The following AMELY variants were observed in gnomAD, a reference collection of about 807,000 sequenced individuals.
AMELY encodes the protein amelogenin, Y isoform.
A neutral mutation model predicts 4.2 loss-of-function variants in AMELY; 4 were observed. The ratio of observed to expected loss-of-function variants is 0.96; its 90% CI spans 0.47 to 2.19. The LOEUF (loss-of-function observed/expected upper bound fraction) is 2.19. AMELY is among the 30% of genes most tolerant of loss of function. AMELY has a pLI of 0.02. For synonymous variants in AMELY, 11 were observed against 14.7 expected, an observed-to-expected ratio of 0.75 and a Z score of 0.57; for missense variants, 32 against 41.5, an observed-to-expected ratio of 0.77 and a Z score of 0.63.
chrY:6,898,887 A>G (rs2054087548), intron 1 of AMELY, among the ~76,000 whole-genome samples: 4 of 33,978 alleles, frequency 1.2e-4, no homozygotes, highest in Admixed American at 1.1e-3. Context: ...AATGATCATG[A>G]TATTTCCCCA....
chrY:6,906,278 G>A (rs2011662509), intron 1 of AMELY, among the ~76,000 whole-genome samples: 1 of 32,806 alleles, frequency 3.0e-5, no homozygotes, highest in Non-Finnish European at 7.4e-5. Context: ...CTAATACAAT[G>A]TGCATATATG....
At chrY:6,896,299 G>C in intron 1 of AMELY, among the ~76,000 whole-genome samples, 1 of 33,294 alleles carries the variant, frequency 3.0e-5, no homozygotes, top group Non-Finnish European at 7.4e-5. Context: ...TATGAAATGA[G>C]TGACTAAAAG....
intron 1 of AMELY, among the ~76,000 whole-genome samples, chrY:6,911,297 T>G (rs2011690647): frequency 4.6e-4 from 16 of 34,527 alleles, no homozygotes; most frequent in Non-Finnish European, 2.9e-4. Flanking sequence ...AGTACTCGGT[T>G]TCTTCCTGGT....
chrY:6,886,678 C>CA (rs2054080327), intron 1 of AMELY, among the ~76,000 whole-genome samples: 2 of 32,118 alleles, frequency 6.2e-5, no homozygotes, highest in Admixed American at 2.9e-4. Context: ...CTCTTAAATA[C>CA]AAAAAAAAGA....
intron 3 of AMELY, 135 bp from the exon 4 acceptor site, chrY:6,870,188 C>G: frequency 5.5e-6 from 1 of 181,506 alleles, no homozygotes. Flanking sequence ...TTTAAAAAAT[C>G]TATATAGTAC....
At chrY:6,889,903 T>C in intron 1 of AMELY, among the ~76,000 whole-genome samples, 1 of 31,820 alleles carries the variant, frequency 3.1e-5, no homozygotes, top group Non-Finnish European at 7.6e-5. Flanking sequence ...GAACATGCCC[T>C]GAGCACAGGA....
chrY:6,880,035 T>C (rs2054074155), intron 1 of AMELY, among the ~76,000 whole-genome samples: 1 of 32,783 alleles, frequency 3.1e-5, no homozygotes, highest in African/African-American at 1.2e-4. Context: ...TCTTTTTTGG[T>C]TCCATATGAA....
At chrY:6,888,596 G>A in intron 1 of AMELY, among the ~76,000 whole-genome samples, 1 of 32,712 alleles carries the variant, frequency 3.1e-5, no homozygotes. Context: ...AAGGCCAAGT[G>A]CAGTGGCTCA....
At chrY:6,897,599 GT>G (rs2054086876) in intron 1 of AMELY, among the ~76,000 whole-genome samples, 1 of 17,713 alleles carries the variant, frequency 5.6e-5, no homozygotes, top group African/African-American at 2.2e-4. Flanking sequence ...TTTTTGGTCG[GT>G]TTTTTTTTTT....
At chrY:6,877,303 G>A in intron 1 of AMELY, among the ~76,000 whole-genome samples, 1 of 32,529 alleles carries the variant, frequency 3.1e-5, no homozygotes, top group African/African-American at 1.2e-4. Flanking sequence ...GCCAGTGTGC[G>A]AAGATACTAC....
At chrY:6,881,944 C>A in intron 1 of AMELY, among the ~76,000 whole-genome samples, 1 of 32,745 alleles carries the variant, frequency 3.1e-5, no homozygotes, top group Non-Finnish European at 7.5e-5. Context: ...AGGACACAAA[C>A]AAATGGGAAA....
At chrY:6,911,528 A>T in intron 1 of AMELY, among the ~76,000 whole-genome samples, 145 bp downstream of exon 1, 2 of 34,384 alleles carry the variant, frequency 5.8e-5, no homozygotes, top group South Asian at 1.3e-3. Context: ...TCAGTTTCTG[A>T]GTCGCAAAAC....
intron 1 of AMELY, among the ~76,000 whole-genome samples, chrY:6,891,339 T>C (rs2054082816): frequency 3.0e-5 from 1 of 33,724 alleles, no homozygotes. Context: ...CCCTGCTGTG[T>C]TCTGTTTCAC....
intron 6 of AMELY, among the ~76,000 whole-genome samples, chrY:6,866,644 T>C: frequency 4.0e-5 from 1 of 24,835 alleles, no homozygotes; most frequent in Non-Finnish European, 9.7e-5. Context: ...CCTTTCTTTT[T>C]TTTTTTTTTT....
chrY:6,873,096 C>G, intron 2 of AMELY, among the ~76,000 whole-genome samples: 1 of 32,594 alleles, frequency 3.1e-5, no homozygotes, highest in Non-Finnish European at 7.5e-5. Context: ...TTGTTAAAAA[C>G]AAAGACTGAT....
At chrY:6,890,292 T>G (rs2054082420) in intron 1 of AMELY, among the ~76,000 whole-genome samples, 1 of 32,735 alleles carries the variant, frequency 3.1e-5, no homozygotes, top group Non-Finnish European at 7.4e-5. Flanking sequence ...CTGCCAAGCC[T>G]GTTCCATATA....
intron 1 of AMELY, among the ~76,000 whole-genome samples, chrY:6,885,388 TGG>T (rs2054079200): frequency 2.9e-5 from 1 of 33,984 alleles, no homozygotes; most frequent in Non-Finnish European, 7.3e-5. Context: ...GGCAGGAGAA[TGG>T]CATGAGCCCA....
intron 1 of AMELY, among the ~76,000 whole-genome samples, chrY:6,898,653 G>GA (rs2054087381): frequency 9.0e-5 from 3 of 33,511 alleles, no homozygotes; most frequent in Admixed American, 8.2e-4. Context: ...GAGACATCCA[G>GA]AAAAAATGTT....
At chrY:6,869,769 A>G in intron 4 of AMELY, 1 of 154,595 alleles carries the variant, frequency 6.5e-6, no homozygotes, top group Non-Finnish European at 1.2e-5. Context: ...ATAAACTTAC[A>G]GCCATATTTA....
Sources: gnomAD v4.1 joint callset for allele counts (sites outside exome capture counted in the v4.1 genomes callset) on GRCh38, gnomAD v4.1.1 for gene constraint, MANE v1.5 for transcripts, NCBI Gene and HGNC (gene_info 2026-07-23, HGNC 2026-07-21) for gene names.